NEB: variants seen among roughly 807,000 people sequenced by gnomAD.
The protein encoded by NEB is nemaline myopathy type 2.
NEB carries 512 observed loss-of-function variants against 952.2 expected under a neutral mutation model. The ratio of observed to expected loss-of-function variants is 0.54; its 90% CI spans 0.50 to 0.58. The LOEUF (loss-of-function observed/expected upper bound fraction) is 0.58. Among genes scored for constraint, NEB ranks in the 20% least tolerant of loss-of-function variants. The probability of loss-of-function intolerance (pLI) is 0.00; values close to 1 mark genes in which losing one functional copy is unlikely to be tolerated. For missense variants in NEB, 8,428 were observed against 9,231.1 expected (o/e 0.91, Z 3.56); for synonymous variants, 2,900 against 3,149.8 (o/e 0.92, Z 2.66).
intron 121 of NEB, among the ~76,000 whole-genome samples, chr2:151,561,526 G>C (rs1474053673): frequency 6.7e-6 from 1 of 148,500 alleles, no homozygotes; most frequent in Non-Finnish European, 1.5e-5. Flanking sequence ...TGGCCATTTT[G>C]TTGCCTTTTC....
chr2:151,639,304 T>C lies in NEB; in HGVS notation c.8970A>G (p.Arg2990=), dbSNP rs2154100920. 6.5e-6 allele frequency: 10 copies of C among 1,542,634 alleles called. No homozygotes were observed. The highest frequency in any genetic ancestry group is 8.7e-6 in the Non-Finnish European group (10 of 1,146,862). Reference sequence around the variant, plus strand: ...CCTCACTGTAGTTGATTTTGTTCATTCTTGCCAACATAATTTCTGGTGTGT... The same window carrying C: ...CCTCACTGTAGTTGATTTTGTTCATCCTTGCCAACATAATTTCTGGTGTGT... ...MPDTPEIMLA[R]MNKINYSESL... The change falls in exon 63 of 182, where the codon AGA becomes AGG. Residue 2990 remains arginine, a synonymous_variant. Coordinates refer to ENST00000397345, the MANE Select transcript of NEB (RefSeq NM_001164508.2).
At chr2:151,658,790 C>T (rs1025699909) in intron 47 of NEB, among the ~76,000 whole-genome samples, 5 of 152,068 alleles carry the variant, frequency 3.3e-5, no homozygotes, top group African/African-American at 4.8e-5. Context: ...GGCCCCGGAG[C>T]CTGTTTCTTT....
intron 27 of NEB, among the ~76,000 whole-genome samples, chr2:151,687,190 T>C (rs915554847): frequency 6.6e-6 from 1 of 152,218 alleles, no homozygotes; most frequent in African/African-American, 2.4e-5. Flanking sequence ...TATTAATGCA[T>C]ACATTTTTCA....
chr2:151,666,569 C>T (rs977811087), intron 40 of NEB, among the ~76,000 whole-genome samples, 168 bp from the exon 41 acceptor site: 58 of 151,910 alleles, frequency 3.8e-4, no homozygotes, highest in Non-Finnish European at 6.3e-4. Flanking sequence ...TTTAATGGCT[C>T]ATCTTGAGAC....
In NEB at chr2:151,538,240, C is replaced by T. The variant is rs767230683; in HGVS notation, c.20897G>A (p.Arg6966His). The T allele has an allele frequency of 8.7e-6, 14 of 1,607,070 alleles. No individual in the cohort carries two copies. The highest frequency in any genetic ancestry group is 5.0e-5 in the Admixed American group (3 of 59,924). ...GGTCTTTTGAAATGTTTCTTTGTAG[C>T]GTAGCTAGAAAGAGAAAAAACACAT... is the stretch of plus-strand genomic sequence containing the variant. ...KRAYWNASDL[R>H]YKETFQKTKG... Residue 6966 changes from arginine (R) to histidine (H), a missense_variant, in exon 139 of 182, where the codon CGC (arginine) becomes CAC (histidine). Physicochemically the swap from Arg to His is conservative, Grantham distance 29. Transcript: ENST00000397345.
Position 151,573,969 on chromosome 2 carries a change from T to TTTTG in NEB, c.17013+1722_17013+1725dup, listed in dbSNP as rs769691401. Among the ~76,000 whole-genome samples, 11 of 152,238 alleles carry TTTTG rather than the reference T, an allele frequency of 7.2e-5. No individual in the cohort carries two copies. In the South Asian group the frequency reaches 1.0e-3, roughly 14 times the overall value. ...ATATTTATCTTCTGTTCTTACTCTT[T>TTTTG]TTTGTTTGTTTGTTTGTTTTTTAAG... On this transcript the variant is annotated intron_variant, in intron 107 of 181. Transcript: ENST00000397345.
intron 40 of NEB, among the ~76,000 whole-genome samples, chr2:151,666,771 G>A (rs1320303854): frequency 1.3e-5 from 2 of 151,860 alleles, no homozygotes; most frequent in African/African-American, 4.8e-5. Context: ...GAGTGCAATG[G>A]TGCAGTCATG....
chr2:151,537,398 C>T (rs926849060), intron 140 of NEB, among the ~76,000 whole-genome samples, 162 bp from the exon 141 acceptor site: 1 of 152,058 alleles, frequency 6.6e-6, no homozygotes, highest in Admixed American at 6.6e-5. Context: ...TAATACTGAC[C>T]TTTGGTATAT....
Position 151,494,120 on chromosome 2 carries a change from T to C in NEB, c.24579+41A>G, listed in dbSNP as rs377552363. 123 of 1,518,974 alleles carry C rather than the reference T, an allele frequency of 8.1e-5. No homozygotes were observed. The highest frequency in any genetic ancestry group is 1.1e-4 in the Non-Finnish European group (121 of 1,110,732). The allele number at this position is 1,518,974 out of a possible 1,614,324, so 94.1% of individuals were successfully genotyped here. Reference sequence around the variant, plus strand: ...GGAGCAGGCCAAACTGCAAGAGTTATTTTGCAAAATTAAAAGCACTTTTGT... The same window carrying C: ...GGAGCAGGCCAAACTGCAAGAGTTACTTTGCAAAATTAAAAGCACTTTTGT... On this transcript the variant is annotated intron_variant, in intron 174 of 181. Coordinates refer to ENST00000397345, the MANE Select transcript of NEB (RefSeq NM_001164508.2).
In NEB at chr2:151,610,013, T is replaced by C; in HGVS notation, c.12126A>G (p.Gln4042=). ...IMCAIHAGKI[Q]SEREYKKEFQ... is the part of the protein sequence containing the mutation. ...ATTCCTTCTTGTACTCCCTTTCACT[T>C]TGAATTTTTCCTGCATGTATGGCAC... The change falls in exon 81 of 182, where the codon CAA becomes CAG. Residue 4042 remains glutamine (Q), a synonymous_variant. Coordinates refer to ENST00000397345, the MANE Select transcript of NEB (RefSeq NM_001164508.2). 1 of 1,613,934 alleles carries C rather than the reference T, an allele frequency of 6.2e-7. No homozygotes were observed. The highest frequency in any genetic ancestry group is 1.1e-5 in the South Asian group (1 of 91,078).
intron 159 of NEB, among the ~76,000 whole-genome samples, chr2:151,513,912 A>G (rs1051966041): frequency 2.0e-5 from 3 of 152,210 alleles, no homozygotes; most frequent in African/African-American, 7.2e-5. Context: ...ATGGGTCAAC[A>G]GAGGTCTCCT....
At position 151,610,421 on chromosome 2, in the gene NEB, A is replaced by G. The variant is rs878990428; in HGVS notation, c.12018+95T>C. 9.4e-5 allele frequency: 84 copies of G among 896,180 alleles called. No individual in the cohort carries two copies. The South Asian group carries it at 1.2e-3, about 13-fold the overall frequency. The allele number at this position is 896,180 out of a possible 1,614,324, so 55.5% of individuals were successfully genotyped here. ...GGTAGGAAGTAGGACTGGAAGGTACATGTGGAAATCACTATAGAGTGTGTG... is the reference window on the plus strand; with the variant it reads ...GGTAGGAAGTAGGACTGGAAGGTACGTGTGGAAATCACTATAGAGTGTGTG... On this transcript the variant is annotated intron_variant, in intron 80 of 181. Coordinates refer to ENST00000397345, the MANE Select transcript of NEB (RefSeq NM_001164508.2).
chr2:151,724,612 C>A (rs2099784904), intron 7 of NEB, among the ~76,000 whole-genome samples: 1 of 152,304 alleles, frequency 6.6e-6, no homozygotes, highest in South Asian at 2.1e-4. Context: ...GGACTTCATG[C>A]AGCAACAGCC....
chr2:151,628,085 C>T (rs1163117480), intron 68 of NEB, among the ~76,000 whole-genome samples: 1 of 152,108 alleles, frequency 6.6e-6, no homozygotes, highest in Non-Finnish European at 1.5e-5. Context: ...AGTGGGAAGA[C>T]AGGCCAAACT....
chr2:151,695,332 T>G (rs2099588293), intron 18 of NEB, among the ~76,000 whole-genome samples: 1 of 152,326 alleles, frequency 6.6e-6, no homozygotes, highest in East Asian at 1.9e-4. Context: ...GACGTAGCAT[T>G]CTGAGGGCTG....
chr2:151,615,970 T>A (rs1177996796), intron 76 of NEB, 32 bp downstream of exon 76: 3 of 1,501,308 alleles, frequency 2.0e-6, no homozygotes, highest in Non-Finnish European at 2.7e-6. Context: ...CATCTTTGAA[T>A]AAGAAATGGC....
chr2:151,562,247 GGTA>G (rs752432007), intron 120 of NEB, 33 bp from the exon 121 acceptor site: 1 of 1,507,282 alleles, frequency 6.6e-7, no homozygotes, highest in East Asian at 2.3e-5. Flanking sequence ...AAATGTGGAA[GGTA>G]TTCTGAATTT....
rs551578623 is a variant in NEB at position 151,560,775 on chromosome 2, T to C, written c.19207-76A>G. 1,412 of 1,162,218 alleles carry C rather than the reference T, an allele frequency of 1.2e-3. 29 individuals are homozygous for C. The South Asian group carries it at 0.019, about 15-fold the overall frequency. The allele number at this position is 1,162,218 out of a possible 1,614,324, so 72.0% of individuals were successfully genotyped here. A position where few individuals can be genotyped will look rare whatever the true frequency, so the allele number is the denominator to read the frequency against. On this transcript the variant is annotated intron_variant, in intron 123 of 181. Coordinates refer to ENST00000397345, the MANE Select transcript of NEB (RefSeq NM_001164508.2). ...GCTTCTGAGTAGCAGGTTTTCCTTC[T>C]GTGTCTGTCCTTCTCACACACTCCC...
At chr2:151,578,671 G>A (rs2096974932) in intron 105 of NEB, among the ~76,000 whole-genome samples, 1 of 150,170 alleles carries the variant, frequency 6.7e-6, no homozygotes, top group Admixed American at 6.7e-5. Context: ...GACAAGGAGG[G>A]AAGGAGGGAA....
Sources: allele counts gnomAD v4.1 joint callset (sites outside exome capture counted in the v4.1 genomes callset), GRCh38; gene constraint gnomAD v4.1.1; transcripts MANE v1.5; gene names NCBI Gene and HGNC (gene_info 2026-07-23, HGNC 2026-07-21).